The following JARID2 variants were observed in gnomAD, a reference collection of about 807,000 sequenced individuals.
The protein encoded by JARID2 is protein Jumonji.
In JARID2, 21 loss-of-function variants were observed where a neutral mutation model predicts 125.6. That is an observed-to-expected ratio of 0.17 (90% CI 0.12 to 0.24). JARID2 has a LOEUF of 0.24. Ranked by LOEUF, JARID2 falls within the 10% of genes least tolerant of loss-of-function variation. The probability of loss-of-function intolerance (pLI) is 1.00; values close to 1 mark genes in which losing one functional copy is unlikely to be tolerated. For synonymous variants in JARID2, 736 were observed against 661.6 expected, an observed-to-expected ratio of 1.11 and a Z score of -1.73; for missense variants, 1,303 against 1,639.6, an observed-to-expected ratio of 0.79 and a Z score of 3.55.
rs1771851585 is a variant in JARID2, at chr6:15,521,523, G to A, written c.*1272G>A. 1 of 152,054 alleles carries A rather than the reference G, an allele frequency of 6.6e-6. No homozygotes were observed. Among genetic ancestry groups the A allele is most frequent in the Non-Finnish European group, 1.5e-5 (1 of 68,026 alleles). 9.4% of individuals were successfully genotyped at this position (152,054 alleles called of 1,614,324 possible). A position where few individuals can be genotyped will look rare whatever the true frequency, so the allele number is the denominator to read the frequency against. On this transcript the variant is annotated 3_prime_UTR_variant, in exon 18 of 18. Coordinates refer to ENST00000341776, the MANE Select transcript of JARID2 (RefSeq NM_004973.4). ...AGGGTTTTTCTTGTAACATTTATAA[G>A]TGCTGCTTACATCACTGAACAACAA...
intron 5 of JARID2, among the ~76,000 whole-genome samples, chr6:15,486,735 T>C (rs999682076): frequency 2.0e-5 from 3 of 151,554 alleles, no homozygotes; most frequent in Non-Finnish European, 4.4e-5. Flanking sequence ...ATAAAGCAGC[T>C]GCGCCCCGAA....
chr6:15,497,796 C>G (rs536938051), intron 7 of JARID2, among the ~76,000 whole-genome samples: 3 of 152,318 alleles, frequency 2.0e-5, no homozygotes, highest in Non-Finnish European at 2.9e-5. Context: ...AGCGCTGCCC[C>G]TCTGGATTCC....
chr6:15,254,161 C>G (rs1442737248), intron 1 of JARID2, among the ~76,000 whole-genome samples: 2 of 152,220 alleles, frequency 1.3e-5, no homozygotes, highest in Non-Finnish European at 2.9e-5. Context: ...TTATACCCAG[C>G]TGGCTGTCTC....
At chr6:15,301,065 A>G (rs915989256) in intron 1 of JARID2, among the ~76,000 whole-genome samples, 5 of 152,196 alleles carry the variant, frequency 3.3e-5, no homozygotes, top group African/African-American at 2.4e-5. Context: ...CTCAAAAGCA[A>G]ATGTTTAAAG....
intron 1 of JARID2, among the ~76,000 whole-genome samples, chr6:15,291,252 C>T (rs1761202031): frequency 6.6e-6 from 1 of 152,082 alleles, no homozygotes; most frequent in African/African-American, 2.4e-5. Flanking sequence ...TAAAAATTCA[C>T]ATGAGAAGAA....
chr6:15,503,649 C>G (rs982309809), intron 8 of JARID2, among the ~76,000 whole-genome samples: 2 of 152,230 alleles, frequency 1.3e-5, no homozygotes, highest in Non-Finnish European at 1.5e-5. Context: ...GTTTCATGCA[C>G]TGCTCTGTCT....
At chr6:15,248,048 G>A (rs1759252654) in intron 1 of JARID2, 2 of 985,436 alleles carry the variant, frequency 2.0e-6, no homozygotes, top group African/African-American at 1.7e-5. Flanking sequence ...TTGAGGTGGA[G>A]AGCAGCGTGG....
In JARID2 at chr6:15,513,240, G is replaced by A. The variant is rs1294061056; in HGVS notation, c.3268G>A (p.Asp1090Asn). The part of the protein sequence containing the change: ...TISALLDELR[D>N]TELRQRRQLF... ...CGGGCCGTCTCCCGTGTCTGGCAGG[G>A]ATACAGAGCTGCGGCAGCGCAGGCA... The change falls in exon 16 of 18, where the codon GAT becomes AAT. Residue 1090 changes from aspartate to asparagine, a missense_variant and splice_region_variant. By Grantham distance (23) the Asp-to-Asn change is conservative. Transcript: ENST00000341776. 1.3e-6 allele frequency: 2 copies of A among 1,564,204 alleles called. No individual in the cohort carries two copies. The highest frequency in any genetic ancestry group is 1.9e-4 in the Middle Eastern group (1 of 5,374).
chr6:15,405,683 G>C (rs1282144327), intron 2 of JARID2, among the ~76,000 whole-genome samples: 1 of 152,062 alleles, frequency 6.6e-6, no homozygotes, highest in Admixed American at 6.5e-5. Flanking sequence ...TGGGGGAGGG[G>C]GTTGGAAAAA....
intron 16 of JARID2, 79 bp from the exon 17 acceptor site, chr6:15,517,082 C>G: frequency 9.6e-7 from 1 of 1,043,114 alleles, no homozygotes; most frequent in East Asian, 2.4e-5. Flanking sequence ...GCTGCCCGGC[C>G]GGGCGTGCTC....
At chr6:15,447,200 T>G (rs1404429340) in intron 3 of JARID2, among the ~76,000 whole-genome samples, 2 of 152,290 alleles carry the variant, frequency 1.3e-5, no homozygotes, top group African/African-American at 4.8e-5. Flanking sequence ...GTAAATAAAA[T>G]GTTATCCTCT....
intron 1 of JARID2, among the ~76,000 whole-genome samples, chr6:15,288,523 C>T (rs75997174): frequency 0.022 from 3,424 of 152,200 alleles, 146 homozygotes; most frequent in African/African-American, 0.077. Flanking sequence ...GAGTGCCCAA[C>T]GTTATTACTT....
At chr6:15,399,053 C>T (rs1468880642) in intron 2 of JARID2, among the ~76,000 whole-genome samples, 1 of 152,118 alleles carries the variant, frequency 6.6e-6, no homozygotes, top group African/African-American at 2.4e-5. Flanking sequence ...AATAGTCATC[C>T]CCCGAATGTC....
intron 1 of JARID2, among the ~76,000 whole-genome samples, chr6:15,361,055 C>G (rs900045524): frequency 3.9e-5 from 6 of 152,236 alleles, no homozygotes; most frequent in Admixed American, 3.9e-4. Context: ...GGTATTTTCT[C>G]TAAGGTCTGT....
intron 2 of JARID2, among the ~76,000 whole-genome samples, chr6:15,385,108 A>T (rs144323856): frequency 2.0e-5 from 3 of 152,338 alleles, no homozygotes; most frequent in East Asian, 3.9e-4. Context: ...TTAATGTGAA[A>T]GCGAAATATC....
intron 1 of JARID2, among the ~76,000 whole-genome samples, chr6:15,360,479 G>A (rs1481138641): frequency 6.6e-6 from 1 of 151,894 alleles, no homozygotes; most frequent in Non-Finnish European, 1.5e-5. Context: ...CACTGTGCCC[G>A]GCCTATTTAT....
intron 2 of JARID2, among the ~76,000 whole-genome samples, chr6:15,385,768 ACT>A (rs1662909929): frequency 6.6e-6 from 1 of 151,612 alleles, no homozygotes; most frequent in African/African-American, 2.4e-5. Context: ...TGGATGTGCC[ACT>A]CTCTGTTCAG....
chr6:15,504,065 T>C (rs1770873931), intron 8 of JARID2, among the ~76,000 whole-genome samples: 1 of 152,066 alleles, frequency 6.6e-6, no homozygotes, highest in African/African-American at 2.4e-5. Context: ...CTCCAGCTTC[T>C]CTCCTGTGGG....
chr6:15,380,044 G>A (rs1327632382), intron 2 of JARID2, among the ~76,000 whole-genome samples: 1 of 151,576 alleles, frequency 6.6e-6, no homozygotes. Flanking sequence ...GGGGGCCGGG[G>A]GTGAGGGGAT....
Sources: allele counts gnomAD v4.1 joint callset (sites outside exome capture counted in the v4.1 genomes callset), GRCh38; gene constraint gnomAD v4.1.1; transcripts MANE v1.5; gene names NCBI Gene and HGNC (gene_info 2026-07-23, HGNC 2026-07-21).